DPRX: variants seen among roughly 807,000 people sequenced by gnomAD.
DPRX encodes divergent-paired related homeobox, also known as divergent paired-related homeobox.
A neutral mutation model predicts 8.4 loss-of-function variants in DPRX; 11 were observed. That is an observed-to-expected ratio of 1.31 (90% CI 0.82 to 2.17). The LOEUF (loss-of-function observed/expected upper bound fraction) is 2.17, where lower values mean the gene tolerates loss of function less well. Ranked by LOEUF, DPRX falls within the 30% of genes most tolerant of loss-of-function variation. The pLI is 0.00. For missense variants in DPRX, 211 were observed against 236.7 expected, an observed-to-expected ratio of 0.89 and a Z score of 0.71; for synonymous variants, 72 against 87.0, an observed-to-expected ratio of 0.83 and a Z score of 0.96.
chr19:53,608,953 C>CAAAAAAAAAAAAAAAAA, the DPRX span, among the ~76,000 whole-genome samples: 3 of 76,930 alleles, frequency 3.9e-5, no homozygotes, highest in Admixed American at 1.8e-4. Context: ...GAGACTCCGT[C>CAAAAAAAAAAAAAAAAA]AAAAAAAAAA....
chr19:53,629,085 G>A (rs1212516366), upstream of DPRX, among the ~76,000 whole-genome samples: 4 of 151,352 alleles, frequency 2.6e-5, no homozygotes, highest in Non-Finnish European at 4.4e-5. Context: ...AGGCCGAGGC[G>A]GGCAGATCAC....
In DPRX at chr19:53,632,150, T is replaced by C. The variant is rs2122159932; in HGVS notation, c.28+16T>C. 6.2e-7 allele frequency: 1 copy of C among 1,613,370 alleles called. No homozygotes were observed. The highest frequency in any genetic ancestry group is 2.2e-5 in the East Asian group (1 of 44,834). The stretch of plus-strand genomic sequence containing the variant: ...CTTCGTAAAGGTAAGCCAGAAAAAA[T>C]GAGAACCGAAGCAAAGACACGTGAA... On this transcript the variant is annotated intron_variant, in intron 1 of 2. Coordinates refer to ENST00000376650, the Ensembl canonical transcript of DPRX.
chr19:53,636,507 A>G (rs1197768211), intron 2 of DPRX, 89 bp from the exon 3 acceptor site: 12 of 1,088,168 alleles, frequency 1.1e-5, no homozygotes, highest in Non-Finnish European at 1.4e-5. Flanking sequence ...ACGTTTAACA[A>G]AATAAAAATT....
At chr19:53,602,267 GGTGTGTGTGTGT>G in the DPRX span, 3,708 of 276,826 alleles carry the variant, frequency 0.013, 14 homozygotes, top group South Asian at 0.045. Flanking sequence ...TATGGGTATG[GGTGTGTGTGTGT>G]GTGTGTGTGT....
chr19:53,615,422 A>T, the DPRX span, among the ~76,000 whole-genome samples: 1 of 151,952 alleles, frequency 6.6e-6, no homozygotes, highest in East Asian at 1.9e-4. Flanking sequence ...CTGGGATTAC[A>T]GGTGCGTGCC....
chr19:53,608,953 C>CAGAAAA, the DPRX span, among the ~76,000 whole-genome samples: 1 of 76,930 alleles, frequency 1.3e-5, no homozygotes. Flanking sequence ...GAGACTCCGT[C>CAGAAAA]AAAAAAAAAA....
In DPRX at chr19:53,636,937, C is replaced by T; in HGVS notation, c.525C>T (p.Ser175=). 4 of 1,613,154 alleles carry T rather than the reference C, an allele frequency of 2.5e-6. 1 individual carries two copies. The South Asian group carries it at 4.4e-5, about 18-fold the overall frequency. Residue 175 remains serine, a synonymous_variant, in exon 3 of 3, where the codon AGC becomes AGT. Coordinates refer to ENST00000376650, the Ensembl canonical transcript of DPRX. ...TGGAATCCCAAGTTTGCGCTCCAAG[C>T]TTCCATTCTGGCTCTCCTGCCTGTT...
chr19:53,619,358 G>A, the DPRX span, among the ~76,000 whole-genome samples: 17 of 152,104 alleles, frequency 1.1e-4, no homozygotes, highest in Non-Finnish European at 1.9e-4. Context: ...GGCCAACATA[G>A]TGAAACTCTG....
the DPRX span, among the ~76,000 whole-genome samples, chr19:53,625,464 C>T: frequency 2.6e-5 from 4 of 152,026 alleles, no homozygotes; most frequent in Non-Finnish European, 5.9e-5. Flanking sequence ...CCTGCTACCG[C>T]GTCTCTGTTC....
At chr19:53,608,427 G>A in the DPRX span, 2 of 152,360 alleles carry the variant, frequency 1.3e-5, no homozygotes, top group Non-Finnish European at 2.9e-5. Flanking sequence ...GCTGACTCCC[G>A]AGCTCCCAGA....
intron 2 of DPRX, among the ~76,000 whole-genome samples, chr19:53,634,915 G>A (rs570132679): frequency 7.9e-5 from 12 of 152,252 alleles, no homozygotes; most frequent in South Asian, 6.2e-4. Context: ...GGGCCATACC[G>A]TCTCTCTAGC....
At chr19:53,616,209 G>C in the DPRX span, among the ~76,000 whole-genome samples, 3 of 151,752 alleles carry the variant, frequency 2.0e-5, no homozygotes, top group African/African-American at 7.3e-5. Flanking sequence ...CCGAGATTGC[G>C]CCATTGCACT....
chr19:53,619,542 G>C, the DPRX span, among the ~76,000 whole-genome samples: 1 of 151,798 alleles, frequency 6.6e-6, no homozygotes, highest in Non-Finnish European at 1.5e-5. Context: ...TTGCGTGGTG[G>C]TGCATGCTTG....
the DPRX span, among the ~76,000 whole-genome samples, chr19:53,612,533 C>T: frequency 6.6e-6 from 1 of 152,162 alleles, no homozygotes; most frequent in Admixed American, 6.6e-5. Context: ...ATGGTGAAAC[C>T]TCGTCTCTAT....
At chr19:53,611,081 T>C in the DPRX span, among the ~76,000 whole-genome samples, 1 of 152,030 alleles carries the variant, frequency 6.6e-6, no homozygotes, top group Non-Finnish European at 1.5e-5. Context: ...TTTGTATTTT[T>C]AGTAGAGACA....
chr19:53,618,034 T>C, the DPRX span, among the ~76,000 whole-genome samples: 33 of 151,046 alleles, frequency 2.2e-4, no homozygotes, highest in Non-Finnish European at 3.5e-4. Context: ...CCCAGCTACT[T>C]GGAAGGCTGA....
At chr19:53,626,459 G>C in the DPRX span, among the ~76,000 whole-genome samples, 1 of 152,138 alleles carries the variant, frequency 6.6e-6, no homozygotes, top group African/African-American at 2.4e-5. Flanking sequence ...ACCTACTGAG[G>C]AGGCTGATCG....
the DPRX span, among the ~76,000 whole-genome samples, chr19:53,609,494 A>G: frequency 9.0e-6 from 1 of 111,484 alleles, no homozygotes; most frequent in African/African-American, 3.5e-5. Context: ...AAAAAAAAAA[A>G]AAACAACCAA....
At chr19:53,620,809 G>T in the DPRX span, among the ~76,000 whole-genome samples, 1 of 152,154 alleles carries the variant, frequency 6.6e-6, no homozygotes, top group Non-Finnish European at 1.5e-5. Flanking sequence ...GCCCAGGCTG[G>T]TCTCGAATTC....
Sources: gnomAD v4.1 joint callset for allele counts (sites outside exome capture counted in the v4.1 genomes callset) on GRCh38, gnomAD v4.1.1 for gene constraint, MANE v1.5 for transcripts, NCBI Gene and HGNC (gene_info 2026-07-23, HGNC 2026-07-21) for gene names.